Variants in MARK1 observed in about 807,000 individuals in gnomAD.
MARK1 encodes the protein serine/threonine-protein kinase MARK1.
MARK1 carries 40 observed loss-of-function variants against 96.3 expected under a neutral mutation model. The ratio of observed to expected loss-of-function variants is 0.42; its 90% confidence interval spans 0.32 to 0.54. The LOEUF (loss-of-function observed/expected upper bound fraction) is 0.54. Ranked by LOEUF, MARK1 falls within the 20% of genes least tolerant of loss-of-function variation. MARK1 has a pLI of 0.16. For missense variants in MARK1, 719 were observed against 984.6 expected (o/e 0.73, Z 3.61); for synonymous variants, 317 against 341.2 (o/e 0.93, Z 0.78).
intron 9 of MARK1, among the ~76,000 whole-genome samples, chr1:220,619,923 G>A (rs1436616390): frequency 1.3e-5 from 2 of 152,118 alleles, no homozygotes; most frequent in East Asian, 3.9e-4. Flanking sequence ...GTAGCAATGG[G>A]GCTTTCTGGC....
At chr1:220,659,736 C>T (rs1408639885) in intron 17 of MARK1, among the ~76,000 whole-genome samples, 1 of 152,134 alleles carries the variant, frequency 6.6e-6, no homozygotes, top group African/African-American at 2.4e-5. Flanking sequence ...AGAATAATAT[C>T]CCTAAATTCT....
At chr1:220,563,230 GTAAA>G (rs1262900585) in intron 1 of MARK1, among the ~76,000 whole-genome samples, 2 of 151,976 alleles carry the variant, frequency 1.3e-5, no homozygotes, top group Non-Finnish European at 2.9e-5. Flanking sequence ...TTGGCAAATC[GTAAA>G]TACAACCTGC....
intron 1 of MARK1, among the ~76,000 whole-genome samples, chr1:220,531,847 T>C (rs982857499): frequency 2.0e-5 from 3 of 152,180 alleles, no homozygotes; most frequent in African/African-American, 7.2e-5. Context: ...ATAGAATCTA[T>C]GCAAAATGTG....
At chr1:220,638,424 C>T (rs974484377) in intron 13 of MARK1, among the ~76,000 whole-genome samples, 2 of 152,096 alleles carry the variant, frequency 1.3e-5, no homozygotes, top group African/African-American at 4.8e-5. Context: ...ACTCCAAAAC[C>T]CATCAGCTTT....
chr1:220,599,358 G>T (rs1665590530), intron 4 of MARK1, among the ~76,000 whole-genome samples: 1 of 151,868 alleles, frequency 6.6e-6, no homozygotes, highest in African/African-American at 2.4e-5. Context: ...TGATAATTTG[G>T]TAATTTTTCT....
intron 11 of MARK1, among the ~76,000 whole-genome samples, chr1:220,633,213 T>C (rs1440599814): frequency 6.6e-6 from 1 of 152,114 alleles, no homozygotes; most frequent in Admixed American, 6.5e-5. Flanking sequence ...ACTCCAACAT[T>C]GGAGGTCACA....
At chr1:220,548,172 A>C (rs959591883) in intron 1 of MARK1, among the ~76,000 whole-genome samples, 2 of 152,252 alleles carry the variant, frequency 1.3e-5, no homozygotes, top group African/African-American at 4.8e-5. Flanking sequence ...GATGCTATGT[A>C]GATACAGTAT....
intron 13 of MARK1, among the ~76,000 whole-genome samples, chr1:220,636,448 C>G (rs1463664071): frequency 1.3e-5 from 2 of 151,760 alleles, no homozygotes; most frequent in Non-Finnish European, 2.9e-5. Flanking sequence ...AAGATGCTCT[C>G]CCATAAGGCA....
chr1:220,572,498 C>T (rs1363861754), intron 1 of MARK1, among the ~76,000 whole-genome samples: 1 of 152,216 alleles, frequency 6.6e-6, no homozygotes, highest in Non-Finnish European at 1.5e-5. Flanking sequence ...CCTCCTCAGC[C>T]TCCTGAAGTG....
At chr1:220,560,839 G>C (rs114157695) in intron 1 of MARK1, among the ~76,000 whole-genome samples, 305 of 152,300 alleles carry the variant, frequency 2.0e-3, no homozygotes, top group Admixed American at 3.6e-3. Context: ...GATAAGCTGG[G>C]AATACTGTAC....
Position 220,539,264 on chromosome 1 carries a change from A to G in MARK1, c.51+10391A>G, listed in dbSNP as rs577173780. 8.5e-5 allele frequency among the ~76,000 whole-genome samples: 13 copies of G among 152,282 alleles called. No individual in the cohort carries two copies. The East Asian group carries it at 2.5e-3, about 29-fold the overall frequency. ...TCCCATCAATACCTAATTTATTGAG[A>G]GTTTTTAGTATGAAGTGTTGTTGAA... On this transcript the variant is annotated intron_variant, in intron 1 of 17. Coordinates refer to ENST00000366917, the MANE Select transcript of MARK1 (RefSeq NM_018650.5).
Position 220,618,561 on chromosome 1 carries a change from C to A in MARK1, c.789+15C>A, listed in dbSNP as rs751895416. ...AGAATTTAAAGGTATCAGCTAAATTCTTTATTAATGTTTTATCCCCAAGTA... is the reference window on the plus strand; with the variant it reads ...AGAATTTAAAGGTATCAGCTAAATTATTTATTAATGTTTTATCCCCAAGTA... On this transcript the variant is annotated intron_variant, in intron 8 of 17. Coordinates refer to ENST00000366917, the MANE Select transcript of MARK1 (RefSeq NM_018650.5). The surrounding 1 kb of genome is among the most constrained non-coding windows in gnomAD (Gnocchi z 4.6). 5 of 1,613,260 alleles carry A rather than the reference C, an allele frequency of 3.1e-6. No homozygotes were observed. The highest frequency in any genetic ancestry group is 1.1e-5 in the South Asian group (1 of 90,944).
At chr1:220,628,471 G>C (rs1667473906) in intron 9 of MARK1, among the ~76,000 whole-genome samples, 1 of 152,138 alleles carries the variant, frequency 6.6e-6, no homozygotes, top group Non-Finnish European at 1.5e-5. Flanking sequence ...AACACAAGGG[G>C]CTACTTATTT....
rs556832845 is a variant in MARK1 at position 220,595,957 on chromosome 1, C to T, written c.310-2374C>T. On this transcript the variant is annotated intron_variant, in intron 3 of 17. Transcript: ENST00000366917. ...TCCTAAAGTTTCAGTTATTAGGGTG[C>T]TTGACAGACATATGGAGCTGGGGAA... Among the ~76,000 whole-genome samples the T allele has an allele frequency of 4.8e-4, 73 of 152,140 alleles. No homozygotes were observed. In the Middle Eastern group the frequency reaches 0.014, roughly 28 times the overall value.
intron 13 of MARK1, among the ~76,000 whole-genome samples, 180 bp from the exon 14 acceptor site, chr1:220,650,440 A>G (rs1668808847): frequency 1.3e-5 from 2 of 152,160 alleles, no homozygotes; most frequent in African/African-American, 4.8e-5. Context: ...TTCATTTTTG[A>G]TGCTTTGTCT....
chr1:220,546,142 TC>T (rs1477027552), intron 1 of MARK1, among the ~76,000 whole-genome samples: 6 of 152,204 alleles, frequency 3.9e-5, no homozygotes, highest in Non-Finnish European at 8.8e-5. Flanking sequence ...TGCCTGTAAA[TC>T]CCTAGCCATC....
intron 10 of MARK1, among the ~76,000 whole-genome samples, chr1:220,631,780 G>A (rs912577315): frequency 2.6e-5 from 4 of 152,120 alleles, no homozygotes; most frequent in Non-Finnish European, 5.9e-5. Flanking sequence ...ATCTCCCAAA[G>A]AAGAGTCAAC....
rs568912744 is a variant in MARK1, at chr1:220,529,608, C to G, written c.51+735C>G. Among the ~76,000 whole-genome samples the G allele has an allele frequency of 4.6e-5, 7 of 152,312 alleles. No individual in the cohort carries two copies. The South Asian group carries it at 1.5e-3, about 32-fold the overall frequency. ...AGGGCAGGTTTTACTTTAAATATCT[C>G]TCCTCCTTGGAGTGTCACAAGGTGC... On this transcript the variant is annotated intron_variant, in intron 1 of 17. Transcript: ENST00000366917.
chr1:220,638,708 G>T (rs1409714314), intron 13 of MARK1, among the ~76,000 whole-genome samples: 1 of 151,984 alleles, frequency 6.6e-6, no homozygotes, highest in Non-Finnish European at 1.5e-5. Flanking sequence ...TAAGCGAAAA[G>T]ATTTTGATAG....
Sources: gnomAD v4.1 joint callset for allele counts (sites outside exome capture counted in the v4.1 genomes callset) on GRCh38, gnomAD v4.1.1 for gene constraint, Gnocchi (gnomAD v3.1) non-coding constraint, MANE v1.5 for transcripts, NCBI Gene and HGNC (gene_info 2026-07-23, HGNC 2026-07-21) for gene names.